PPFIA2: variants seen among roughly 807,000 people sequenced by gnomAD.
The protein encoded by PPFIA2 is liprin-alpha-2.
A neutral mutation model predicts 175.5 loss-of-function variants in PPFIA2; 46 were observed. The observed-to-expected ratio is 0.26, with a 90% CI of 0.21 to 0.34. The LOEUF (loss-of-function observed/expected upper bound fraction) is 0.34. PPFIA2 is among the 10% of genes least tolerant of loss of function. PPFIA2 has a pLI of 1.00. For synonymous variants in PPFIA2, 568 were observed against 511.4 expected (o/e 1.11, Z -1.49); for missense variants, 1,179 against 1,506.1 (o/e 0.78, Z 3.60).
intron 5 of PPFIA2, among the ~76,000 whole-genome samples, chr12:81,448,237 C>T (rs2051701623): frequency 6.6e-6 from 1 of 152,162 alleles, no homozygotes. Flanking sequence ...CTGCTTCTCC[C>T]TACCCTCATG....
chr12:81,284,448 T>G, intron 24 of PPFIA2, 145 bp from the exon 25 acceptor site: 1 of 606,534 alleles, frequency 1.6e-6, no homozygotes, highest in Non-Finnish European at 3.0e-6. Flanking sequence ...AGAGACAGCA[T>G]GGCTGGTTTG....
intron 2 of PPFIA2, among the ~76,000 whole-genome samples, chr12:81,756,719 C>G (rs1365400256): frequency 6.6e-6 from 1 of 152,030 alleles, no homozygotes; most frequent in Non-Finnish European, 1.5e-5. Context: ...TGAGAACACA[C>G]AGCAAAACAT....
At position 81,639,855 on chromosome 12, in the gene PPFIA2, A is replaced by G. The variant is rs1220695269; in HGVS notation, c.303+36936T>C. Among the ~76,000 whole-genome samples, 7 of 152,180 alleles carry G rather than the reference A, an allele frequency of 4.6e-5. No homozygotes were observed. In the East Asian group the frequency reaches 7.7e-4, roughly 17 times the overall value. ...TGATAATCTAGACAACCTCTGCCCT[A>G]TGGTGAGCCATACAGGAAAGAATCT... On this transcript the variant is annotated intron_variant, in intron 4 of 32. Coordinates refer to ENST00000549396, the MANE Select transcript of PPFIA2 (RefSeq NM_003625.5).
intron 3 of PPFIA2, among the ~76,000 whole-genome samples, chr12:81,709,080 T>C (rs1316715896): frequency 1.3e-5 from 2 of 152,154 alleles, no homozygotes; most frequent in Non-Finnish European, 2.9e-5. Flanking sequence ...GGACTGCCAA[T>C]GTTTCAAACC....
chr12:81,334,755 T>C (rs2140142315), intron 21 of PPFIA2, among the ~76,000 whole-genome samples: 1 of 152,342 alleles, frequency 6.6e-6, no homozygotes, highest in South Asian at 2.1e-4. Flanking sequence ...TCCAATTGTC[T>C]GTCTGTTTTG....
chr12:81,502,971 A>G (rs770921704), intron 4 of PPFIA2, among the ~76,000 whole-genome samples: 4 of 152,134 alleles, frequency 2.6e-5, no homozygotes, highest in Non-Finnish European at 5.9e-5. Context: ...CCGTATGTCT[A>G]TGGAAATTTT....
intron 4 of PPFIA2, among the ~76,000 whole-genome samples, chr12:81,534,830 C>T (rs893907345): frequency 6.6e-6 from 1 of 151,596 alleles, no homozygotes; most frequent in African/African-American, 2.4e-5. Flanking sequence ...GAGAGTAGTG[C>T]TGATATGCAA....
At position 81,405,851 on chromosome 12, in the gene PPFIA2, C is replaced by T. The variant is rs2042846039; in HGVS notation, c.698G>A (p.Ser233Asn). The change falls in exon 8 of 33, where the codon AGC becomes AAC. Residue 233 changes from serine (S) to asparagine (N), a missense_variant. Around this residue, in one of 10 missense-constraint regions of PPFIA2, gnomAD observed 226 missense variants for 216.6 expected, o/e 1.04. Coordinates refer to ENST00000549396, the MANE Select transcript of PPFIA2 (RefSeq NM_003625.5). ...ATGTTCTGACTCTGTGGATCCCTCG[C>T]TTGATGCCATTTTTCTTTGTATATG... is the stretch of plus-strand genomic sequence containing the variant. ...NVHIQRKMASSEGSTESEHLE... is the reference protein window; with the variant it reads ...NVHIQRKMASNEGSTESEHLE... 3.2e-6 allele frequency: 5 copies of T among 1,581,096 alleles called. No homozygotes were observed. Among genetic ancestry groups the T allele is most frequent in the African/African-American group, 2.7e-5 (2 of 74,404 alleles).
At chr12:81,412,335 CAAAAAAAA>C (rs35342063) in intron 7 of PPFIA2, among the ~76,000 whole-genome samples, 1 of 96,206 alleles carries the variant, frequency 1.0e-5, no homozygotes, top group Non-Finnish European at 2.4e-5. Flanking sequence ...GTTAAGGAGG[CAAAAAAAA>C]AAAAAAAAAA....
chr12:81,735,464 G>A (rs1264389250), intron 3 of PPFIA2, among the ~76,000 whole-genome samples: 1 of 151,744 alleles, frequency 6.6e-6, no homozygotes, highest in Non-Finnish European at 1.5e-5. Flanking sequence ...ATTGACTTGT[G>A]AGAGTTCTTT....
intron 4 of PPFIA2, among the ~76,000 whole-genome samples, chr12:81,501,956 G>C (rs1336290205): frequency 6.6e-6 from 1 of 152,152 alleles, no homozygotes; most frequent in Non-Finnish European, 1.5e-5. Context: ...AGCCCTGGCG[G>C]TGGGAGAGTT....
intron 22 of PPFIA2, among the ~76,000 whole-genome samples, chr12:81,319,144 T>C (rs1412250188): frequency 6.6e-6 from 1 of 151,824 alleles, no homozygotes; most frequent in Non-Finnish European, 1.5e-5. Context: ...ACAGGGCTTC[T>C]GTTCTACTCA....
intron 4 of PPFIA2, among the ~76,000 whole-genome samples, chr12:81,560,789 C>T (rs1357231335): frequency 6.6e-6 from 1 of 152,002 alleles, no homozygotes. Flanking sequence ...AGTACAGGTG[C>T]CTCTGATTCT....
chr12:81,263,012 T>G (rs539279987), intron 31 of PPFIA2, among the ~76,000 whole-genome samples: 1 of 152,326 alleles, frequency 6.6e-6, no homozygotes, highest in East Asian at 1.9e-4. Flanking sequence ...ATTGTTCTTT[T>G]TGGGATGTTA....
intron 5 of PPFIA2, 68 bp from the exon 6 acceptor site, chr12:81,445,788 C>T: frequency 1.0e-5 from 15 of 1,441,626 alleles, no homozygotes; most frequent in Non-Finnish European, 1.3e-5. Flanking sequence ...AAATGACTTC[C>T]CCCTTAAATT....
intron 4 of PPFIA2, among the ~76,000 whole-genome samples, chr12:81,483,918 CT>C (rs1287657937): frequency 4.0e-5 from 6 of 151,416 alleles, no homozygotes; most frequent in Non-Finnish European, 7.4e-5. Context: ...TCCCCCCTCC[CT>C]TTTTTTTGGG....
At chr12:81,367,940 T>C (rs1473276719) in intron 13 of PPFIA2, among the ~76,000 whole-genome samples, 1 of 151,776 alleles carries the variant, frequency 6.6e-6, no homozygotes, top group Non-Finnish European at 1.5e-5. Flanking sequence ...AGTCATGTCT[T>C]ATTACTTTCT....
intron 2 of PPFIA2, among the ~76,000 whole-genome samples, chr12:81,755,957 T>A (rs866049088): frequency 1.9e-4 from 29 of 152,198 alleles, no homozygotes; most frequent in Middle Eastern, 3.2e-3. Flanking sequence ...ATTCAAAGAC[T>A]ATCACAAAGA....
intron 4 of PPFIA2, among the ~76,000 whole-genome samples, chr12:81,600,625 T>C (rs949840690): frequency 2.6e-5 from 4 of 151,978 alleles, no homozygotes; most frequent in Non-Finnish European, 5.9e-5. Flanking sequence ...TTTATTCAAA[T>C]GATAATCAAA....
Sources: allele counts gnomAD v4.1 joint callset (sites outside exome capture counted in the v4.1 genomes callset), GRCh38; gene constraint gnomAD v4.1.1; regional missense constraint gnomAD v4.1.1; transcripts MANE v1.5; gene names NCBI Gene and HGNC (gene_info 2026-07-23, HGNC 2026-07-21).